Variants in PHF14 observed in about 807,000 individuals in gnomAD.
The protein encoded by PHF14 is PHD finger protein 14.
A neutral mutation model predicts 117.9 loss-of-function variants in PHF14; 55 were observed. That is an observed-to-expected ratio of 0.47 (90% CI 0.38 to 0.58). The LOEUF (loss-of-function observed/expected upper bound fraction) is 0.58, where lower values mean the gene tolerates loss of function less well. PHF14 is among the 20% of genes least tolerant of loss of function. PHF14 has a pLI of 0.00. For missense variants in PHF14, 978 were observed against 1,122.2 expected (o/e 0.87, Z 1.84); for synonymous variants, 409 against 368.6 (o/e 1.11, Z -1.26).
intron 3 of PHF14, among the ~76,000 whole-genome samples, chr7:10,990,229 T>C (rs1782401614): frequency 6.6e-6 from 1 of 152,214 alleles, no homozygotes; most frequent in Non-Finnish European, 1.5e-5. Flanking sequence ...TTGAATTGAT[T>C]TTTTCCTATT....
chr7:11,105,481 A>G (rs901392470), intron 16 of PHF14: 1 of 978,500 alleles, frequency 1.0e-6, no homozygotes. Flanking sequence ...TTATTCAAGG[A>G]ATTCAGAAGG....
At chr7:11,014,169 T>C (rs1214961246) in intron 5 of PHF14, among the ~76,000 whole-genome samples, 2 of 152,188 alleles carry the variant, frequency 1.3e-5, no homozygotes, top group Non-Finnish European at 2.9e-5. Context: ...GTAACGTTTC[T>C]CATTTTATAG....
intron 1 of PHF14, among the ~76,000 whole-genome samples, chr7:10,974,575 G>C (rs977806434): frequency 6.6e-6 from 1 of 152,212 alleles, no homozygotes; most frequent in African/African-American, 2.4e-5. Context: ...AGATGAGCAA[G>C]AGGGTCAGCT....
At chr7:11,048,495 C>T (rs1055344403) in intron 13 of PHF14, among the ~76,000 whole-genome samples, 5 of 152,056 alleles carry the variant, frequency 3.3e-5, no homozygotes, top group South Asian at 2.1e-4. Flanking sequence ...TGCTTGAACC[C>T]GGGAGATGGA....
chr7:11,035,796 T>G lies in PHF14; in HGVS notation c.1602+10T>G, dbSNP rs201065056. The G allele has an allele frequency of 1.1e-4, 172 of 1,572,620 alleles. No homozygotes were observed. Among genetic ancestry groups the G allele is most frequent in the Non-Finnish European group, 1.1e-4 (133 of 1,157,642 alleles). On this transcript the variant is annotated intron_variant, in intron 8 of 17. Coordinates refer to ENST00000634607, the MANE Select transcript of PHF14 (RefSeq NM_001007157.2). ...ATCACCAGAAGCACAGGTATGGGAT[T>G]CATGTCAAAACCCGTATGTTTTTGT...
chr7:11,070,226 C>T (rs544032676), intron 16 of PHF14, among the ~76,000 whole-genome samples: 7 of 152,192 alleles, frequency 4.6e-5, no homozygotes, highest in Admixed American at 6.5e-5. Context: ...TACAAGTGCG[C>T]GCCACCATGC....
At chr7:11,053,208 T>G (rs570407751) in intron 14 of PHF14, among the ~76,000 whole-genome samples, 14 of 152,258 alleles carry the variant, frequency 9.2e-5, no homozygotes, top group African/African-American at 1.7e-4. Context: ...TGTATTAACC[T>G]CCTATATTAT....
At chr7:11,102,682 A>G (rs1787132591) in intron 16 of PHF14, 2 of 1,440,426 alleles carry the variant, frequency 1.4e-6, no homozygotes. Flanking sequence ...TTTGGATAGA[A>G]TATAATTGAT....
chr7:11,084,074 A>C (rs1226546351), intron 16 of PHF14, among the ~76,000 whole-genome samples: 2 of 152,232 alleles, frequency 1.3e-5, no homozygotes, highest in South Asian at 4.1e-4. Flanking sequence ...CTATTTTTAC[A>C]AGCATTACTA....
chr7:11,101,688 CTT>C (rs1034665533), intron 16 of PHF14, among the ~76,000 whole-genome samples: 1 of 151,792 alleles, frequency 6.6e-6, no homozygotes, highest in Non-Finnish European at 1.5e-5. Context: ...CCACTTTTCA[CTT>C]TCTTTTTCTC....
In PHF14 at chr7:11,146,860, A is replaced by G. The variant is rs113178318; in HGVS notation, c.2773-22556A>G. On this transcript the variant is annotated intron_variant, in intron 17 of 17. Transcript: ENST00000634607. ...TTGGTTTTTATTTACTTATGTATTT[A>G]TTTAGAGACAGAGTCTCACTCTGAT... Among the ~76,000 whole-genome samples the G allele has an allele frequency of 3.5e-4, 54 of 152,206 alleles. 1 individual carries two copies. Among genetic ancestry groups the G allele is most frequent in the African/African-American group, 1.3e-3 (53 of 41,538 alleles).
At chr7:10,982,287 G>T (rs1782067072) in intron 2 of PHF14, 85 bp from the exon 3 acceptor site, 6 of 854,104 alleles carry the variant, frequency 7.0e-6, no homozygotes, top group South Asian at 2.3e-5. Flanking sequence ...ACAAATTTTG[G>T]TGGTTTCATT....
chr7:10,985,652 T>G (rs1583329668), intron 3 of PHF14, among the ~76,000 whole-genome samples: 3 of 129,172 alleles, frequency 2.3e-5, no homozygotes, highest in East Asian at 4.4e-4. Flanking sequence ...TTTTTTTTTT[T>G]TTTTTTTTTT....
chr7:11,154,688 CTA>C (rs1175161620), intron 17 of PHF14, among the ~76,000 whole-genome samples: 4 of 152,114 alleles, frequency 2.6e-5, no homozygotes, highest in Non-Finnish European at 4.4e-5. Flanking sequence ...ATCATGCAGA[CTA>C]TAGAGTAACT....
chr7:11,012,262 A>G (rs917288104), intron 4 of PHF14, among the ~76,000 whole-genome samples: 2 of 152,206 alleles, frequency 1.3e-5, no homozygotes, highest in East Asian at 3.8e-4. Flanking sequence ...AATTTTAGGC[A>G]GATCTGGAAG....
chr7:11,056,041 C>T (rs1275586423), intron 14 of PHF14, among the ~76,000 whole-genome samples: 1 of 152,086 alleles, frequency 6.6e-6, no homozygotes, highest in African/African-American at 2.4e-5. Context: ...TCAAGGTGAC[C>T]TCTGAGGTAC....
In PHF14 at chr7:11,061,819, T is replaced by C; in HGVS notation, c.2510T>C (p.Val837Ala). The C allele has an allele frequency of 6.5e-7, 1 of 1,527,082 alleles. No individual in the cohort carries two copies. The highest frequency in any genetic ancestry group is 1.3e-5 in the South Asian group (1 of 77,622). 94.6% of individuals were successfully genotyped at this position (1,527,082 alleles called of 1,614,324 possible). The change falls in exon 15 of 18, where the codon GTT becomes GCT. Residue 837 changes from valine (V) to alanine (A), a missense_variant. Val to Ala is a moderately conservative substitution (Grantham distance 64). This residue lies in a region of PHF14 where 180 missense variants were observed against 195.4 expected (regional missense o/e 0.92). Coordinates refer to ENST00000634607, the MANE Select transcript of PHF14 (RefSeq NM_001007157.2). ...TRTRGRKRSF[V>A]PEEEKHEERV... ...ACCAGAGGACGAAAACGAAGCTTCG[T>C]TCCTGAGGAAGAAAAACATGAGGTT...
chr7:11,016,519 T>G (rs1197524016), intron 5 of PHF14, among the ~76,000 whole-genome samples: 1 of 152,190 alleles, frequency 6.6e-6, no homozygotes, highest in Non-Finnish European at 1.5e-5. Context: ...TTTTATTTTA[T>G]ATCTTATGGA....
intron 17 of PHF14, among the ~76,000 whole-genome samples, chr7:11,140,744 A>T (rs1194895379): frequency 1.3e-5 from 2 of 152,168 alleles, no homozygotes; most frequent in African/African-American, 4.8e-5. Context: ...TGAAATTTCT[A>T]TACTATTTAT....
Sources: gnomAD v4.1 joint callset for allele counts (sites outside exome capture counted in the v4.1 genomes callset) on GRCh38, gnomAD v4.1.1 for gene constraint, gnomAD v4.1.1 regional missense constraint, MANE v1.5 for transcripts, NCBI Gene and HGNC (gene_info 2026-07-23, HGNC 2026-07-21) for gene names.